PPP2R2B: variants seen among roughly 807,000 people sequenced by gnomAD.
The protein encoded by PPP2R2B is serine/threonine-protein phosphatase 2A 55 kDa regulatory subunit B beta isoform.
Under a neutral mutation model 46.0 loss-of-function variants are expected in PPP2R2B, and 5 were observed. The observed-to-expected ratio is 0.11, with a 90% confidence interval of 0.06 to 0.23. The LOEUF (loss-of-function observed/expected upper bound fraction) is 0.23. Ranked by LOEUF, PPP2R2B falls within the 10% of genes least tolerant of loss-of-function variation. PPP2R2B has a pLI of 1.00. For synonymous variants in PPP2R2B, 215 were observed against 206.7 expected, an observed-to-expected ratio of 1.04 and a Z score of -0.34; for missense variants, 367 against 575.0, an observed-to-expected ratio of 0.64 and a Z score of 3.70.
intron 1 of PPP2R2B, among the ~76,000 whole-genome samples, chr5:146,985,067 C>G (rs1410973924): frequency 7.5e-6 from 1 of 133,874 alleles, no homozygotes; most frequent in Non-Finnish European, 1.5e-5. Flanking sequence ...GTCAACCAGG[C>G]TGGAGTGCAG....
intron 7 of PPP2R2B, among the ~76,000 whole-genome samples, chr5:146,601,308 T>C (rs1249184406): frequency 6.6e-6 from 1 of 152,148 alleles, no homozygotes; most frequent in East Asian, 1.9e-4. Flanking sequence ...TGTTTAATAG[T>C]GAAACTTTGG....
chr5:146,917,238 C>T (rs185268374), intron 1 of PPP2R2B, among the ~76,000 whole-genome samples: 1 of 152,250 alleles, frequency 6.6e-6, no homozygotes, highest in Non-Finnish European at 1.5e-5. Context: ...CCTGCCTGCA[C>T]AGGCTGTCTT....
At chr5:146,780,658 T>C (rs1318342678) in intron 2 of PPP2R2B, among the ~76,000 whole-genome samples, 1 of 152,306 alleles carries the variant, frequency 6.6e-6, no homozygotes, top group Non-Finnish European at 1.5e-5. Flanking sequence ...CTGTTGAATA[T>C]ATAACATAAA....
intron 2 of PPP2R2B, among the ~76,000 whole-genome samples, chr5:146,707,769 C>T (rs1561848001): frequency 1.3e-5 from 2 of 152,174 alleles, no homozygotes; most frequent in African/African-American, 2.4e-5. Flanking sequence ...ACTAAGTTTC[C>T]TTTACAATCT....
At chr5:146,977,147 G>A (rs1044339007) in intron 1 of PPP2R2B, among the ~76,000 whole-genome samples, 1 of 151,990 alleles carries the variant, frequency 6.6e-6, no homozygotes, top group African/African-American at 2.4e-5. Context: ...CTTAAAAATG[G>A]TCATCATTTT....
chr5:146,636,626 C>T (rs1217807489), intron 7 of PPP2R2B, among the ~76,000 whole-genome samples: 3 of 152,128 alleles, frequency 2.0e-5, no homozygotes, highest in Admixed American at 2.0e-4. Flanking sequence ...CCCACCAGAA[C>T]TGTATTTGGT....
At chr5:146,841,853 G>A (rs1444099113) in intron 2 of PPP2R2B, among the ~76,000 whole-genome samples, 1 of 152,088 alleles carries the variant, frequency 6.6e-6, no homozygotes, top group East Asian at 1.9e-4. Flanking sequence ...GATGGGTGCA[G>A]CAAACCACCA....
chr5:146,706,112 T>A (rs1714071271), intron 2 of PPP2R2B, among the ~76,000 whole-genome samples: 1 of 152,154 alleles, frequency 6.6e-6, no homozygotes, highest in Non-Finnish European at 1.5e-5. Flanking sequence ...CTCAGGTAAG[T>A]CTCCTGTTCC....
intron 1 of PPP2R2B, among the ~76,000 whole-genome samples, chr5:147,037,363 A>AT (rs1756090193): frequency 6.6e-6 from 1 of 151,924 alleles, no homozygotes; most frequent in Non-Finnish European, 1.5e-5. Flanking sequence ...AAAAAGTAGG[A>AT]TGGGAACTTA....
At chr5:146,928,078 C>T (rs1473685158) in intron 1 of PPP2R2B, among the ~76,000 whole-genome samples, 1 of 152,138 alleles carries the variant, frequency 6.6e-6, no homozygotes, top group Non-Finnish European at 1.5e-5. Context: ...TAATTCATCG[C>T]ACTATCTGCT....
At chr5:146,800,959 T>C (rs1382878307) in intron 2 of PPP2R2B, among the ~76,000 whole-genome samples, 1 of 152,022 alleles carries the variant, frequency 6.6e-6, no homozygotes, top group Non-Finnish European at 1.5e-5. Flanking sequence ...TACACACATG[T>C]ATATATATGT....
At chr5:146,650,488 C>T in intron 6 of PPP2R2B, 59 bp downstream of exon 6, 1 of 1,501,982 alleles carries the variant, frequency 6.7e-7, no homozygotes, top group South Asian at 1.3e-5. Flanking sequence ...TCCCAGCCCA[C>T]TCGCACCTGA....
At chr5:147,061,004 G>A (rs946871241) in intron 2 of PPP2R2B, among the ~76,000 whole-genome samples, 1 of 152,182 alleles carries the variant, frequency 6.6e-6, no homozygotes, top group Non-Finnish European at 1.5e-5. Context: ...CCACTAGCCA[G>A]TGTGTGAAAT....
intron 2 of PPP2R2B, among the ~76,000 whole-genome samples, chr5:146,854,109 A>G (rs1760507248): frequency 6.6e-6 from 1 of 152,144 alleles, no homozygotes; most frequent in Non-Finnish European, 1.5e-5. Flanking sequence ...TAAGTGCACA[A>G]TAAATACTTA....
chr5:146,607,264 G>C (rs1195289517), intron 7 of PPP2R2B: 1 of 152,180 alleles, frequency 6.6e-6, no homozygotes, highest in South Asian at 2.1e-4. Flanking sequence ...TTATCCAGCT[G>C]AGGACAGTGA....
intron 1 of PPP2R2B, among the ~76,000 whole-genome samples, chr5:147,055,029 G>T (rs1052859791): frequency 2.0e-5 from 3 of 152,098 alleles, no homozygotes; most frequent in African/African-American, 7.2e-5. Context: ...CAGCAGAGAA[G>T]GTCCCCAGAA....
At chr5:146,937,099 C>T (rs1044310087) in intron 1 of PPP2R2B, among the ~76,000 whole-genome samples, 1 of 152,032 alleles carries the variant, frequency 6.6e-6, no homozygotes, top group African/African-American at 2.4e-5. Context: ...GTCGGCAGTT[C>T]GAAATCAGCC....
At chr5:146,851,029 G>A (rs1232771551) in intron 2 of PPP2R2B, among the ~76,000 whole-genome samples, 4 of 152,186 alleles carry the variant, frequency 2.6e-5, no homozygotes, top group African/African-American at 7.2e-5. Flanking sequence ...GCCAGGTTTG[G>A]TAGTTTCCAA....
chr5:146,908,777 C>CCCTCCCTCCCTCCCTTCCTCTCTT (rs1554075421), intron 1 of PPP2R2B, among the ~76,000 whole-genome samples: 3 of 150,670 alleles, frequency 2.0e-5, no homozygotes, highest in African/African-American at 7.4e-5. Context: ...TCCTTTCCCG[C>CCCTCCCTCCCTCCCTTCCTCTCTT]CCTCCCTTCC....
Sources: gnomAD v4.1 joint callset for allele counts (sites outside exome capture counted in the v4.1 genomes callset) on GRCh38, gnomAD v4.1.1 for gene constraint, MANE v1.5 for transcripts, NCBI Gene and HGNC (gene_info 2026-07-23, HGNC 2026-07-21) for gene names.